The following CCDC142 variants were observed in gnomAD, a reference collection of about 807,000 sequenced individuals.
CCDC142 encodes coiled-coil domain-containing protein 142.
In CCDC142, 67 loss-of-function variants were observed where a neutral mutation model predicts 83.8. That is an observed-to-expected ratio of 0.80 (90% CI 0.66 to 0.98). The LOEUF is 0.98. Ranked by LOEUF, CCDC142 falls within the 50% of genes least tolerant of loss-of-function variation. The pLI is 0.00. For synonymous variants in CCDC142, 421 were observed against 421.2 expected (o/e 1.00, Z 0.01); for missense variants, 905 against 946.8 (o/e 0.96, Z 0.58).
Position 74,481,244 on chromosome 2 carries a change from G to T in CCDC142, c.1237C>A (p.Arg413=), listed in dbSNP as rs200358407. 3 of 1,613,968 alleles carry T rather than the reference G, an allele frequency of 1.9e-6. No individual in the cohort carries two copies. Among genetic ancestry groups the T allele is most frequent in the African/African-American group, 1.3e-5 (1 of 74,874 alleles). The change falls in exon 3 of 9, where the codon CGG becomes AGG. Residue 413 remains arginine (R), a synonymous_variant. Transcript: ENST00000393965. ...LDALREPRLR[R]IFCQPADPAP... The stretch of plus-strand genomic sequence containing the variant: ...TCACCTGCAGGCTGGCAGAAAATCC[G>T]TCGTAACCTGGGCTCTCGAAGGGCA...
chr2:74,474,252 T>G lies in CCDC142; in HGVS notation c.*294A>C. 1 of 215,076 alleles carries G rather than the reference T, an allele frequency of 4.6e-6. No individual in the cohort carries two copies. The allele number at this position is 215,076 out of a possible 1,614,324, so 13.3% of individuals were successfully genotyped here. ...GCACCCGCCACCACGCCCGGCTAAT[T>G]TTTTGTATTTTTAGTGGAAACAGGG... On this transcript the variant is annotated 3_prime_UTR_variant, in exon 9 of 9. Transcript: ENST00000393965.
chr2:74,482,565 G>A lies in CCDC142; in HGVS notation c.273C>T (p.Leu91=), dbSNP rs200721448. ...GGPIPPALQR[L]RAVLLRLHRE... ...GATGCAGCCGCAGCAACACCGCCCG[G>A]AGACGCTGCAGCGCGGGAGGGATCG... The change falls in exon 1 of 9, where the codon CTC becomes CTT. Residue 91 remains leucine, a synonymous_variant. Coordinates refer to ENST00000393965, the MANE Select transcript of CCDC142 (RefSeq NM_001365575.2). The surrounding 1 kb of genome is among the most constrained non-coding windows in gnomAD (Gnocchi z 5.0). 6.2e-7 allele frequency: 1 copy of A among 1,602,214 alleles called. No homozygotes were observed. Among genetic ancestry groups the A allele is most frequent in the South Asian group, 1.1e-5 (1 of 90,150 alleles).
Position 74,482,839 on chromosome 2 carries a change from G to C in CCDC142, c.-2C>G. ...ACCTGAGCGAGACGCCTGGGCCATGGGGCGGCGGGTCCAGAACGAACCTAA... is the reference window on the plus strand; with the variant it reads ...ACCTGAGCGAGACGCCTGGGCCATGCGGCGGCGGGTCCAGAACGAACCTAA... On this transcript the variant is annotated 5_prime_UTR_variant, in exon 1 of 9. Transcript: ENST00000393965. The surrounding 1 kb of genome is among the most constrained non-coding windows in gnomAD (Gnocchi z 5.0). 6.3e-7 allele frequency: 1 copy of C among 1,597,348 alleles called. No individual in the cohort carries two copies. Among genetic ancestry groups the C allele is most frequent in the Admixed American group, 1.7e-5 (1 of 59,876 alleles).
At chr2:74,478,017 G>T (rs1180449636) in intron 5 of CCDC142, among the ~76,000 whole-genome samples, 1 of 145,318 alleles carries the variant, frequency 6.9e-6, no homozygotes, top group East Asian at 2.0e-4. Flanking sequence ...TATATAAATA[G>T]ATATAATATA....
At chr2:74,480,118 G>A (rs1000312320) in intron 5 of CCDC142, among the ~76,000 whole-genome samples, 1 of 152,118 alleles carries the variant, frequency 6.6e-6, no homozygotes. Flanking sequence ...ATGAATCGAG[G>A]CAATGATCCA....
chr2:74,475,527 A>T, intron 6 of CCDC142, 85 bp downstream of exon 6: 1 of 1,446,950 alleles, frequency 6.9e-7, no homozygotes, highest in Non-Finnish European at 9.5e-7. Flanking sequence ...GGATGGAGAC[A>T]GTGGAGGGGA....
rs199558851 is a variant in CCDC142 at position 74,477,995 on chromosome 2, A to AT, written c.1504-2270_1504-2269insA. Among the ~76,000 whole-genome samples, 1,046 of 147,120 alleles carry AT rather than the reference A, an allele frequency of 7.1e-3. 10 individuals carry two copies. Among genetic ancestry groups the AT allele is most frequent in the African/African-American group, 0.024 (955 of 40,500 alleles). On this transcript the variant is annotated intron_variant, in intron 5 of 8. Coordinates refer to ENST00000393965, the MANE Select transcript of CCDC142 (RefSeq NM_001365575.2). ...ACGAGCCAAACTTCTAATTAAAAAA[A>AT]AAATATATATATATATAAATAGATA...
At position 74,481,337 on chromosome 2, in the gene CCDC142, G is replaced by T; in HGVS notation, c.1144C>A (p.Gln382Lys). ...CCAGAGGATGTGGGAAGGCTGCTCT[G>T]ACCCCCAAGAGCTGATCCCAAGGCC... The part of the protein sequence containing the change: ...CQALGSALGG[Q>K]SSLPTSSGTA... The change falls in exon 3 of 9, where the codon CAG becomes AAG. Residue 382 changes from glutamine to lysine, a missense_variant. By Grantham distance (53) the Gln-to-Lys change is moderately conservative (BLOSUM62 1). Coordinates refer to ENST00000393965, the MANE Select transcript of CCDC142 (RefSeq NM_001365575.2). 1 of 1,614,110 alleles carries T rather than the reference G, an allele frequency of 6.2e-7. No individual in the cohort carries two copies. The highest frequency in any genetic ancestry group is 8.5e-7 in the Non-Finnish European group (1 of 1,180,018).
Position 74,481,013 on chromosome 2 carries a change from C to T in CCDC142, c.1332G>A (p.Gln444=), listed in dbSNP as rs1272774227. ...AAGCTGGGTCCCATGCTGCCAAGTA[C>T]TGCTGAGCTCTGCCCAGGAACCAGA... ...TLLWFLGRAQ[Q]YLAAWDPASF... The change falls in exon 4 of 9, where the codon CAG becomes CAA. Residue 444 remains glutamine (Q), a synonymous_variant. Transcript: ENST00000393965. 2 of 1,614,028 alleles carry T rather than the reference C, an allele frequency of 1.2e-6. No homozygotes were observed. Among genetic ancestry groups the T allele is most frequent in the African/African-American group, 2.7e-5 (2 of 74,930 alleles).
chr2:74,474,648 G>C lies in CCDC142; in HGVS notation c.2151C>G (p.Tyr717Ter). 3.7e-6 allele frequency: 6 copies of C among 1,614,220 alleles called. No homozygotes were observed. Among genetic ancestry groups the C allele is most frequent in the Non-Finnish European group, 5.1e-6 (6 of 1,180,050 alleles). ...GCCAGGCCTGCTGATTTCCCACCAG[G>C]TAGCCCTCCGGGCTAGGTCCCCTTC... is the stretch of plus-strand genomic sequence containing the variant. Reference protein sequence around the residue: ...LGGRGPSPEGYLVGNQQAWLA... With the variant: ...LGGRGPSPEG The change falls in exon 9 of 9, where the codon TAC (tyrosine) becomes TAG (stop). Residue 717 changes from tyrosine (Y) to a stop codon, truncating the protein, a stop_gained. Coordinates refer to ENST00000393965, the MANE Select transcript of CCDC142 (RefSeq NM_001365575.2). LOFTEE classifies it high-confidence loss of function.
At chr2:74,480,449 C>T (rs1016864259) in intron 5 of CCDC142, among the ~76,000 whole-genome samples, 15 of 151,902 alleles carry the variant, frequency 9.9e-5, no homozygotes, top group Non-Finnish European at 1.8e-4. Flanking sequence ...AAGTTAGACA[C>T]GTGTGGTGGC....
In CCDC142 at chr2:74,475,392, A is replaced by G. The variant is rs1391967728; in HGVS notation, c.1629T>C (p.Ser543=). The G allele has an allele frequency of 6.3e-7, 1 of 1,580,748 alleles. No individual in the cohort carries two copies. The highest frequency in any genetic ancestry group is 2.2e-5 in the East Asian group (1 of 44,610). ...WRLRLCPEPP[S]APSEYAGLVV... is the part of the protein sequence containing the mutation. ...CTAAACCAGCATACTCACTAGGAGC[A>G]CTGGGAGGTTCTGGAATAGAGAAGA... Residue 543 remains serine, a synonymous_variant, in exon 7 of 9, where the codon AGT becomes AGC. Coordinates refer to ENST00000393965, the MANE Select transcript of CCDC142 (RefSeq NM_001365575.2).
Position 74,475,714 on chromosome 2 carries a change from C to T in CCDC142, c.1516G>A (p.Glu506Lys), listed in dbSNP as rs980463836. 1 of 1,611,708 alleles carries T rather than the reference C, an allele frequency of 6.2e-7. No individual in the cohort carries two copies. The highest frequency in any genetic ancestry group is 8.5e-7 in the Non-Finnish European group (1 of 1,177,964). The change falls in exon 6 of 9, where the codon GAG becomes AAG. Residue 506 changes from glutamate to lysine, a missense_variant. By Grantham distance (56) the Glu-to-Lys change is moderately conservative (BLOSUM62 1). Coordinates refer to ENST00000393965, the MANE Select transcript of CCDC142 (RefSeq NM_001365575.2). Reference protein sequence around the residue: ...LTAQIQLLPEESLSVFSQECH... With the variant: ...LTAQIQLLPEKSLSVFSQECH... ...TCTTGAGAAAAGACACTTAGTGACT[C>T]TTCAGGCAGGAGCTGTAGGGATAGG...
At position 74,482,930 on chromosome 2, in the gene CCDC142, C is replaced by G; in HGVS notation, c.-93G>C. On this transcript the variant is annotated 5_prime_UTR_variant, in exon 1 of 9. Coordinates refer to ENST00000393965, the MANE Select transcript of CCDC142 (RefSeq NM_001365575.2). The surrounding 1 kb of genome is among the most constrained non-coding windows in gnomAD (Gnocchi z 5.0). ...TCGGACTTCGCCCCATCGCAAGAGC[C>G]GTTTTCTCCAGTCCGGGAGTCGCGG... 1 of 1,561,240 alleles carries G rather than the reference C, an allele frequency of 6.4e-7. No individual in the cohort carries two copies. Among genetic ancestry groups the G allele is most frequent in the South Asian group, 1.2e-5 (1 of 85,644 alleles).
chr2:74,482,241 C>A lies in CCDC142; in HGVS notation c.597G>T (p.Ser199=), dbSNP rs1672522873. 1.9e-6 allele frequency: 3 copies of A among 1,613,322 alleles called. No homozygotes were observed. The highest frequency in any genetic ancestry group is 1.3e-5 in the African/African-American group (1 of 75,058). Residue 199 remains serine (S), a synonymous_variant, in exon 1 of 9, where the codon TCG becomes TCT. Coordinates refer to ENST00000393965, the MANE Select transcript of CCDC142 (RefSeq NM_001365575.2). The surrounding 1 kb of genome is among the most constrained non-coding windows in gnomAD (Gnocchi z 5.0). ...CAAAGAGCAGCTCGGCGAGTTGGGA[C>A]GACAGGCCCGGGCTGGCGGGCTCCC... The part of the protein sequence containing the change: ...LGREPASPGL[S]SQLAELLFAL...
In CCDC142 at chr2:74,474,758, G is replaced by C. The variant is rs771290858; in HGVS notation, c.2041C>G (p.Leu681Val). Residue 681 changes from leucine to valine, a missense_variant, in exon 9 of 9, where the codon CTC (leucine) becomes GTC (valine). Leu to Val is a conservative substitution (Grantham distance 32). Around this residue, in one of 3 missense-constraint regions of CCDC142, gnomAD observed 265 missense variants for 288.9 expected, o/e 0.92. Transcript: ENST00000393965. ...GGCTCCAAGCTCTCCAGGCTATTGA[G>C]GCAGCTGCTGGGCAATTTCGTGGTC... ...VQTTKLPSSC[L>V]NSLESLEPPL... 8.1e-6 allele frequency: 13 copies of C among 1,613,458 alleles called. No individual in the cohort carries two copies. The highest frequency in any genetic ancestry group is 1.1e-5 in the Non-Finnish European group (13 of 1,179,636).
chr2:74,475,427 A>T, intron 6 of CCDC142, 25 bp from the exon 7 acceptor site: 1 of 1,550,428 alleles, frequency 6.4e-7, no homozygotes, highest in Non-Finnish European at 8.7e-7. Flanking sequence ...ACAGAATATA[A>T]GGCTGTGGAG....
At position 74,474,652 on chromosome 2, in the gene CCDC142, C is replaced by A. The variant is rs931867228; in HGVS notation, c.2147G>T (p.Gly716Val). Residue 716 changes from glycine (G) to valine (V), a missense_variant, in exon 9 of 9, where the codon GGC becomes GTC. Transcript: ENST00000393965. ...TLGGRGPSPE[G>V]YLVGNQQAWL... is the part of the protein sequence containing the mutation. ...GGCCTGCTGATTTCCCACCAGGTAGCCCTCCGGGCTAGGTCCCCTTCCTCC... is the reference window on the plus strand; with the variant it reads ...GGCCTGCTGATTTCCCACCAGGTAGACCTCCGGGCTAGGTCCCCTTCCTCC... The A allele has an allele frequency of 6.2e-7, 1 of 1,614,098 alleles. No individual in the cohort carries two copies. The highest frequency in any genetic ancestry group is 1.3e-5 in the African/African-American group (1 of 74,940).
chr2:74,474,444 A>AG lies in CCDC142; in HGVS notation c.*101dup. ...TTATTCTCCAGTATGCTTTCCTCCAAGCTTCCAGTTCTGGGCTTCCTTAAT... is the reference window on the plus strand; with the variant it reads ...TTATTCTCCAGTATGCTTTCCTCCAAGGCTTCCAGTTCTGGGCTTCCTTAAT... On this transcript the variant is annotated 3_prime_UTR_variant, in exon 9 of 9. Coordinates refer to ENST00000393965, the MANE Select transcript of CCDC142 (RefSeq NM_001365575.2). 2 of 1,396,142 alleles carry AG rather than the reference A, an allele frequency of 1.4e-6. No homozygotes were observed. Among genetic ancestry groups the AG allele is most frequent in the Non-Finnish European group, 1.9e-6 (2 of 1,044,942 alleles). 86.5% of individuals were successfully genotyped at this position (1,396,142 alleles called of 1,614,324 possible). A position where few individuals can be genotyped will look rare whatever the true frequency, so the allele number is the denominator to read the frequency against.
Sources: allele counts gnomAD v4.1 joint callset (sites outside exome capture counted in the v4.1 genomes callset), GRCh38; gene constraint gnomAD v4.1.1; regional missense constraint gnomAD v4.1.1; non-coding constraint Gnocchi (gnomAD v3.1); transcripts MANE v1.5; gene names NCBI Gene and HGNC (gene_info 2026-07-23, HGNC 2026-07-21).